The following SATL1 variants were observed in gnomAD, a reference collection of about 807,000 sequenced individuals.
The protein encoded by SATL1 is spermidine/spermine N(1)-acetyltransferase-like protein 1.
In SATL1, 47 loss-of-function variants were observed where a neutral mutation model predicts 51.8. The observed-to-expected ratio is 0.91, with a 90% CI of 0.72 to 1.16. The LOEUF is 1.16. SATL1 is among the 50% of genes most tolerant of loss of function. SATL1 has a pLI of 0.00. For synonymous variants in SATL1, 176 were observed against 182.4 expected, an observed-to-expected ratio of 0.97 and a Z score of 0.28; for missense variants, 520 against 526.4, an observed-to-expected ratio of 0.99 and a Z score of 0.12.
chrX:85,099,381 C>T (rs921602429), intron 4 of SATL1, among the ~76,000 whole-genome samples: 5 of 111,488 alleles, frequency 4.5e-5, no homozygotes, highest in East Asian at 2.8e-4. Context: ...AATGAAGAGA[C>T]GGGAACACTT....
intron 2 of SATL1, among the ~76,000 whole-genome samples, chrX:85,141,583 A>G (rs1306623428): frequency 8.9e-6 from 1 of 111,777 alleles, no homozygotes; most frequent in Non-Finnish European, 1.9e-5. Context: ...GTTTCAGGAA[A>G]ATAGAATTTG....
chrX:85,122,825 A>T (rs752466056), intron 2 of SATL1, among the ~76,000 whole-genome samples: 14 of 111,085 alleles, frequency 1.3e-4, no homozygotes, highest in African/African-American at 3.9e-4. Context: ...TTTGCCCTCA[A>T]GTAGGCCCCA....
At chrX:85,213,080 G>A (rs998208201) in intron 2 of SATL1, among the ~76,000 whole-genome samples, 4 of 111,337 alleles carry the variant, frequency 3.6e-5, no homozygotes, top group African/African-American at 6.5e-5. Flanking sequence ...TACTTAATAC[G>A]TATTAACATA....
Position 85,202,632 on chromosome X carries a change from T to TA in SATL1, c.-313+21572dup, listed in dbSNP as rs767590135. On this transcript the variant is annotated intron_variant, in intron 2 of 7. Transcript: ENST00000644105. The stretch of plus-strand genomic sequence containing the variant: ...GGATTGTGGCCAAGGGTCCTTCGCT[T>TA]ATTCCTAGAGGCTTCAATCCATAGC... 4.6e-4 allele frequency among the ~76,000 whole-genome samples: 52 copies of TA among 112,101 alleles called. No homozygotes were observed. The East Asian group carries it at 0.012, about 26-fold the overall frequency.
intron 2 of SATL1, among the ~76,000 whole-genome samples, chrX:85,170,755 T>A (rs1334824685): frequency 2.7e-5 from 3 of 111,654 alleles, no homozygotes; most frequent in African/African-American, 9.7e-5. Context: ...ACAATAGTAG[T>A]CTTTAATGAA....
chrX:85,107,646 C>T lies in SATL1; in HGVS notation c.1323G>A (p.Met441Ile), dbSNP rs748757852. Reference protein sequence around the residue: ...KSPPGMWQRGMWQPGMSQQVP... With the variant: ...KSPPGMWQRGIWQPGMSQQVP... ...CTTGCTGGCTCATGCCTGGTTGCCA[C>T]ATGCCTCGTTGCCACATGCCTGGTG... is the stretch of plus-strand genomic sequence containing the variant. The change falls in exon 3 of 8, where the codon ATG (methionine) becomes ATA (isoleucine). Residue 441 changes from methionine to isoleucine, a missense_variant. Coordinates refer to ENST00000644105, the MANE Select transcript of SATL1 (RefSeq NM_001367857.2). 2.5e-6 allele frequency: 3 copies of T among 1,212,007 alleles called. No homozygotes were observed. The highest frequency in any genetic ancestry group is 2.2e-6 in the Non-Finnish European group (2 of 895,624).
chrX:85,122,223 G>A (rs1471482938), intron 2 of SATL1, among the ~76,000 whole-genome samples: 1 of 110,891 alleles, frequency 9.0e-6, no homozygotes, highest in East Asian at 2.8e-4. Flanking sequence ...TTTTGCAGAC[G>A]TCTTCCCTGA....
At chrX:85,149,177 A>C (rs760191974) in intron 2 of SATL1, among the ~76,000 whole-genome samples, 2 of 111,677 alleles carry the variant, frequency 1.8e-5, no homozygotes, top group Admixed American at 9.5e-5. Context: ...AGTCTCTGAT[A>C]AAACAGACTT....
intron 2 of SATL1, among the ~76,000 whole-genome samples, chrX:85,138,304 A>G (rs983806381): frequency 9.1e-6 from 1 of 109,672 alleles, no homozygotes; most frequent in African/African-American, 3.4e-5. Flanking sequence ...TGTGGTACCG[A>G]CAACTAAAAT....
chrX:85,137,756 T>G (rs1233690821), intron 2 of SATL1, among the ~76,000 whole-genome samples: 1 of 111,826 alleles, frequency 8.9e-6, no homozygotes, highest in East Asian at 2.8e-4. Flanking sequence ...TCTGTTCTTT[T>G]CTTTCTTTCT....
chrX:85,208,350 C>T, intron 2 of SATL1, among the ~76,000 whole-genome samples: 1 of 111,495 alleles, frequency 9.0e-6, no homozygotes, highest in Non-Finnish European at 1.9e-5. Context: ...GTGAATAGTG[C>T]CGCAATAAAC....
chrX:85,221,334 T>C (rs895900058), intron 2 of SATL1, among the ~76,000 whole-genome samples: 1 of 111,851 alleles, frequency 8.9e-6, no homozygotes, highest in African/African-American at 3.3e-5. Flanking sequence ...TCTTATGCCA[T>C]CCTCCCATCA....
intron 2 of SATL1, among the ~76,000 whole-genome samples, chrX:85,158,366 C>A (rs1231704777): frequency 8.9e-6 from 1 of 111,759 alleles, no homozygotes; most frequent in African/African-American, 3.3e-5. Context: ...AAAGTTGTTA[C>A]AATTGTGGCA....
intron 4 of SATL1, among the ~76,000 whole-genome samples, chrX:85,096,650 G>A (rs1924730332): frequency 9.0e-6 from 1 of 111,021 alleles, no homozygotes; most frequent in African/African-American, 3.3e-5. Flanking sequence ...AGCAAGAGAA[G>A]CAATTTGTCA....
At chrX:85,195,383 T>C (rs147337631) in intron 2 of SATL1, among the ~76,000 whole-genome samples, 269 of 111,154 alleles carry the variant, frequency 2.4e-3, no homozygotes, top group African/African-American at 8.3e-3. Context: ...TTTTAGAAGA[T>C]TGAGTGTTAA....
intron 2 of SATL1, among the ~76,000 whole-genome samples, chrX:85,129,894 A>G (rs1925737660): frequency 8.9e-6 from 1 of 111,737 alleles, no homozygotes; most frequent in Non-Finnish European, 1.9e-5. Context: ...TTCTGCATCT[A>G]TTGAGATAAT....
At chrX:85,139,827 AC>A (rs1926064469) in intron 2 of SATL1, among the ~76,000 whole-genome samples, 1 of 111,721 alleles carries the variant, frequency 9.0e-6, no homozygotes, top group Non-Finnish European at 1.9e-5. Flanking sequence ...TTCTATGAAC[AC>A]CCCAACCTGC....
intron 2 of SATL1, among the ~76,000 whole-genome samples, chrX:85,156,816 TATATATATATATATATATATATA>T (rs1926601260): frequency 3.5e-3 from 1 of 287 alleles, no homozygotes; most frequent in African/African-American, 9.8e-3. Context: ...GTGGAGATTA[TATATATATATATATATATATATA>T]TATATATATA....
chrX:85,192,905 A>C (rs1212973554), intron 2 of SATL1, among the ~76,000 whole-genome samples: 2 of 111,900 alleles, frequency 1.8e-5, no homozygotes, highest in African/African-American at 3.2e-5. Context: ...TAAAACATTT[A>C]TATGTATTTT....
Sources: gnomAD v4.1 joint callset for allele counts (sites outside exome capture counted in the v4.1 genomes callset) on GRCh38, gnomAD v4.1.1 for gene constraint, MANE v1.5 for transcripts, NCBI Gene and HGNC (gene_info 2026-07-23, HGNC 2026-07-21) for gene names.